SPTAN1: variants seen among roughly 807,000 people sequenced by gnomAD.
SPTAN1 encodes the protein spectrin alpha, non-erythrocytic 1, also known as spectrin alpha chain, non-erythrocytic 1.
SPTAN1 carries 61 observed loss-of-function variants against 331.3 expected under a neutral mutation model. The observed-to-expected ratio is 0.18, with a 90% CI of 0.15 to 0.23. SPTAN1 has a LOEUF of 0.23. SPTAN1 is among the 10% of genes least tolerant of loss of function. The probability of loss-of-function intolerance (pLI) is 1.00; values close to 1 mark genes in which losing one functional copy is unlikely to be tolerated. For synonymous variants in SPTAN1, 1,153 were observed against 1,173.9 expected (o/e 0.98, Z 0.36); for missense variants, 2,043 against 3,147.9 (o/e 0.65, Z 8.40).
intron 2 of SPTAN1, among the ~76,000 whole-genome samples, chr9:128,568,314 CAA>C (rs937025339): frequency 3.3e-5 from 5 of 152,022 alleles, no homozygotes; most frequent in Non-Finnish European, 5.9e-5. Flanking sequence ...TAGGCAGGGT[CAA>C]AGAGTCTGGC....
At chr9:128,573,645 C>T (rs966594208) in intron 3 of SPTAN1, among the ~76,000 whole-genome samples, 14 of 150,832 alleles carry the variant, frequency 9.3e-5, no homozygotes, top group African/African-American at 2.4e-4. Flanking sequence ...TTAGTAGAGA[C>T]GGGTTTCACC....
intron 31 of SPTAN1, among the ~76,000 whole-genome samples, chr9:128,605,973 C>T (rs1160296687): frequency 7.5e-6 from 1 of 132,482 alleles, no homozygotes. Context: ...GCCCGGGCAA[C>T]AAGAGTGAAA....
intron 9 of SPTAN1, among the ~76,000 whole-genome samples, chr9:128,578,780 GA>G (rs1315929820): frequency 7.1e-6 from 1 of 141,340 alleles, no homozygotes; most frequent in Non-Finnish European, 1.5e-5. Context: ...AGTGAGCCAA[GA>G]TCACACCATT....
chr9:128,575,193 G>A lies in SPTAN1; in HGVS notation c.505-6G>A, dbSNP rs1851170329. 3.1e-6 allele frequency: 5 copies of A among 1,614,154 alleles called. No homozygotes were observed. The highest frequency in any genetic ancestry group is 4.2e-6 in the Non-Finnish European group (5 of 1,180,022). ...TGACTCTGGCTCTCTTATGGTCCCT[G>A]AATAGGAAGCAATTGTTACTTCTGA... On this transcript the variant is annotated splice_polypyrimidine_tract_variant and splice_region_variant and intron_variant, in intron 4 of 56. Transcript: ENST00000372739.
At position 128,625,012 on chromosome 9, in the gene SPTAN1, CA is replaced by C; in HGVS notation, c.5993-85del. On this transcript the variant is annotated intron_variant, in intron 46 of 56. Coordinates refer to ENST00000372739, the MANE Select transcript of SPTAN1 (RefSeq NM_001130438.3). The surrounding 1 kb of genome is among the most constrained non-coding windows in gnomAD (Gnocchi z 4.1). ...AGGAAGATTGGGATTTATCTGTACA[CA>C]AAAAATGGTTTGTCTGGGTTTTGAT... 1.6e-6 allele frequency: 2 copies of C among 1,264,922 alleles called. No individual in the cohort carries two copies. The highest frequency in any genetic ancestry group is 2.3e-6 in the Non-Finnish European group (2 of 865,192). 78.4% of individuals were successfully genotyped at this position (1,264,922 alleles called of 1,614,324 possible).
At chr9:128,599,712 C>G in intron 26 of SPTAN1, 1 of 171,518 alleles carries the variant, frequency 5.8e-6, no homozygotes, top group Non-Finnish European at 1.2e-5. Context: ...AAAAAGTCTT[C>G]TGTCTCTTCA....
rs1257030587 is a variant in SPTAN1, at chr9:128,602,189, GT to G, written c.3580-1343del. Among the ~76,000 whole-genome samples the G allele has an allele frequency of 9.7e-3, 1,271 of 131,614 alleles. 26 individuals carry two copies. Among genetic ancestry groups the G allele is most frequent in the African/African-American group, 0.033 (1,186 of 36,308 alleles). 86.3% of individuals were successfully genotyped at this position (131,614 alleles called of 152,430 possible). On this transcript the variant is annotated intron_variant, in intron 27 of 56. Transcript: ENST00000372739. Reference sequence around the variant, plus strand: ...CCAAGCTCAGCCCTCCTGCCCTCCTGTTTTTTTTTTTGTTTTTTTTGGGTTT... The same window carrying G: ...CCAAGCTCAGCCCTCCTGCCCTCCTGTTTTTTTTTTGTTTTTTTTGGGTTT...
In SPTAN1 at chr9:128,605,101, C is replaced by T. The variant is rs566054817; in HGVS notation, c.3787C>T (p.His1263Tyr). ...NQALNTDNYG[H>Y]DLASVQALQR... Reference sequence around the variant, plus strand: ...AGCTCTAAACACAGACAATTATGGACATGATCTCGCCAGTGTCCAGGCCCT... The same window carrying T: ...AGCTCTAAACACAGACAATTATGGATATGATCTCGCCAGTGTCCAGGCCCT... Residue 1263 changes from histidine (H) to tyrosine (Y), a missense_variant, in exon 30 of 57, where the codon CAT (histidine) becomes TAT (tyrosine). This residue lies in a region of SPTAN1 where 42 missense variants were observed against 106.0 expected (regional missense o/e 0.40). Transcript: ENST00000372739. 2 of 1,613,890 alleles carry T rather than the reference C, an allele frequency of 1.2e-6. No individual in the cohort carries two copies. Among genetic ancestry groups the T allele is most frequent in the Admixed American group, 1.7e-5 (1 of 59,984 alleles).
intron 45 of SPTAN1, among the ~76,000 whole-genome samples, 164 bp downstream of exon 45, chr9:128,621,420 T>C (rs1857836831): frequency 6.6e-6 from 1 of 152,210 alleles, no homozygotes; most frequent in African/African-American, 2.4e-5. Flanking sequence ...AGTTGGATAT[T>C]TCCCCCTTTT....
At chr9:128,626,897 C>T in intron 49 of SPTAN1, 1 of 654,046 alleles carries the variant, frequency 1.5e-6, no homozygotes, top group East Asian at 2.8e-5. Context: ...TCCCTGTAGC[C>T]TCAACCTCCC....
intron 1 of SPTAN1, among the ~76,000 whole-genome samples, chr9:128,556,919 C>A (rs1589111314): frequency 6.6e-6 from 1 of 152,144 alleles, no homozygotes; most frequent in African/African-American, 2.4e-5. Flanking sequence ...CTAATCAATT[C>A]TTTGGTGGTT....
intron 9 of SPTAN1, among the ~76,000 whole-genome samples, chr9:128,578,911 T>C (rs1851628722): frequency 6.6e-6 from 1 of 151,166 alleles, no homozygotes; most frequent in Non-Finnish European, 1.5e-5. Flanking sequence ...AAGTCAAACA[T>C]GTTTCTCTAC....
intron 1 of SPTAN1, among the ~76,000 whole-genome samples, chr9:128,564,576 A>AAAAC (rs529809477): frequency 1.7e-3 from 66 of 39,892 alleles, no homozygotes; most frequent in African/African-American, 3.8e-3. Context: ...TCCTGTCTCA[A>AAAAC]AAACAAATAA....
intron 44 of SPTAN1, among the ~76,000 whole-genome samples, chr9:128,620,668 A>C (rs1857730454): frequency 6.6e-6 from 1 of 152,188 alleles, no homozygotes; most frequent in African/African-American, 2.4e-5. Context: ...CAGTGAGCCA[A>C]GATCACGCTG....
At chr9:128,593,894 G>A in intron 23 of SPTAN1, 1 of 443,548 alleles carries the variant, frequency 2.3e-6, no homozygotes, top group Non-Finnish European at 4.2e-6. Flanking sequence ...AGTCCCTTGT[G>A]GTTGTGTTGT....
intron 3 of SPTAN1, among the ~76,000 whole-genome samples, chr9:128,570,449 TGCCTCA>T (rs1192840136): frequency 6.6e-6 from 1 of 150,394 alleles, no homozygotes; most frequent in Non-Finnish European, 1.5e-5. Context: ...GCAATTCTCC[TGCCTCA>T]GCCTCCTAAC....
At chr9:128,571,448 G>C (rs1214775229) in intron 3 of SPTAN1, among the ~76,000 whole-genome samples, 1 of 152,128 alleles carries the variant, frequency 6.6e-6, no homozygotes, top group Non-Finnish European at 1.5e-5. Flanking sequence ...AGCCAAGCGT[G>C]GTGTTGCGTG....
chr9:128,618,222 C>T, intron 43 of SPTAN1, 114 bp downstream of exon 43: 1 of 1,493,298 alleles, frequency 6.7e-7, no homozygotes, highest in South Asian at 1.2e-5. Context: ...GACCTTTGGC[C>T]TCACATGTGC....
intron 27 of SPTAN1, 41 bp downstream of exon 27, chr9:128,600,156 C>T (rs761842461): frequency 2.5e-6 from 4 of 1,603,542 alleles, no homozygotes; most frequent in East Asian, 2.2e-5. Flanking sequence ...AAGAGTTTTG[C>T]GAGATCATGA....
Sources: gnomAD v4.1 joint callset for allele counts (sites outside exome capture counted in the v4.1 genomes callset) on GRCh38, gnomAD v4.1.1 for gene constraint, gnomAD v4.1.1 regional missense constraint, Gnocchi (gnomAD v3.1) non-coding constraint, MANE v1.5 for transcripts, NCBI Gene and HGNC (gene_info 2026-07-23, HGNC 2026-07-21) for gene names.